The following PAFAH1B2 variants were observed in gnomAD, a reference collection of about 807,000 sequenced individuals.
PAFAH1B2 encodes the protein platelet-activating factor acetylhydrolase IB subunit alpha2.
A neutral mutation model predicts 28.0 loss-of-function variants in PAFAH1B2; 8 were observed. The ratio of observed to expected loss-of-function variants is 0.29; its 90% CI spans 0.17 to 0.52. The LOEUF (loss-of-function observed/expected upper bound fraction) is 0.52. Ranked by LOEUF, PAFAH1B2 falls within the 20% of genes least tolerant of loss-of-function variation. The pLI is 0.97. For missense variants in PAFAH1B2, 190 were observed against 282.6 expected, an observed-to-expected ratio of 0.67 and a Z score of 2.35; for synonymous variants, 104 against 103.2, an observed-to-expected ratio of 1.01 and a Z score of -0.05.
At chr11:117,174,890 C>G, downstream of PAFAH1B2, 1 of 1,520,784 alleles carries the variant, frequency 6.6e-7, no homozygotes, top group Non-Finnish European at 8.8e-7. Context: ...GCTGGGATTA[C>G]AGGCGTGAGT....
chr11:117,167,375 A>G, intron 5 of PAFAH1B2, 46 bp from the exon 6 acceptor site: 4 of 1,493,570 alleles, frequency 2.7e-6, no homozygotes, highest in Non-Finnish European at 3.6e-6. Flanking sequence ...ATAAGTAGAG[A>G]AAAATAAGTG....
intron 5 of PAFAH1B2, among the ~76,000 whole-genome samples, chr11:117,166,078 C>T (rs925239703): frequency 6.6e-6 from 1 of 152,140 alleles, no homozygotes; most frequent in Non-Finnish European, 1.5e-5. Flanking sequence ...TGACCTCGTT[C>T]GTGATCTGCC....
Position 117,168,446 on chromosome 11 carries a change from G to GGTTGGTGTTTTT in PAFAH1B2, c.*747_*748insGTTGGTGTTTTT. The GGTTGGTGTTTTT allele has an allele frequency of 4.3e-6, 1 of 234,818 alleles. No individual in the cohort carries two copies. Among genetic ancestry groups the GGTTGGTGTTTTT allele is most frequent in the East Asian group, 1.8e-4 (1 of 5,682 alleles). The allele number at this position is 234,818 out of a possible 1,614,324, so 14.5% of individuals were successfully genotyped here. ...TCCCCTTCATTCCCCCCGCCACCCC[G>GGTTGGTGTTTTT]TTTTTTTTTTTTTTTTTTTTTTTTT... On this transcript the variant is annotated 3_prime_UTR_variant, in exon 6 of 6. Coordinates refer to ENST00000527958, the MANE Select transcript of PAFAH1B2 (RefSeq NM_002572.4).
chr11:117,174,574 G>A (rs1444060585), downstream of PAFAH1B2, among the ~76,000 whole-genome samples: 4 of 151,618 alleles, frequency 2.6e-5, no homozygotes, highest in Non-Finnish European at 4.4e-5. Context: ...TGCCTCCCAG[G>A]TTCAAGCGAT....
chr11:117,163,838 G>A lies in PAFAH1B2; in HGVS notation c.357G>A (p.Glu119=), dbSNP rs1230346974. 7.4e-6 allele frequency: 12 copies of A among 1,614,038 alleles called. No homozygotes were observed. The highest frequency in any genetic ancestry group is 8.5e-6 in the Non-Finnish European group (10 of 1,179,968). The change falls in exon 5 of 6, where the codon GAG becomes GAA. Residue 119 remains glutamate, a synonymous_variant. Transcript: ENST00000527958. ...NTAEEVAGGI[E]AIVQLINTRQ... is the part of the protein sequence containing the mutation. ...CAGAAGAAGTAGCAGGTGGGATCGA[G>A]GCCATTGTACAACTTATCAACACAA...
rs952102432 is a variant in PAFAH1B2 at position 117,170,822 on chromosome 11, G to A, written c.*3123G>A. ...GGAGCATGTCCAAGCTCCTAAATCC[G>A]TGTGGGTGCATGTGGGAGAAGTGAG... On this transcript the variant is annotated 3_prime_UTR_variant, in exon 6 of 6. Coordinates refer to ENST00000527958, the MANE Select transcript of PAFAH1B2 (RefSeq NM_002572.4). The A allele has an allele frequency of 5.7e-6, 6 of 1,059,696 alleles. No homozygotes were observed. The highest frequency in any genetic ancestry group is 6.9e-6 in the Non-Finnish European group (6 of 875,752). The allele number at this position is 1,059,696 out of a possible 1,614,324, so 65.6% of individuals were successfully genotyped here. A position where few individuals can be genotyped will look rare whatever the true frequency, so the allele number is the denominator to read the frequency against.
At chr11:117,151,767 C>G (rs1441338915) in intron 1 of PAFAH1B2, among the ~76,000 whole-genome samples, 3 of 151,880 alleles carry the variant, frequency 2.0e-5, no homozygotes, top group Admixed American at 2.0e-4. Context: ...TTGGCACAGT[C>G]TCGGCTCACT....
In PAFAH1B2 at chr11:117,169,331, T is replaced by C. The variant is rs1956593022; in HGVS notation, c.*1632T>C. 7 of 1,048,534 alleles carry C rather than the reference T, an allele frequency of 6.7e-6. No individual in the cohort carries two copies. Among genetic ancestry groups the C allele is most frequent in the Middle Eastern group, 8.6e-4 (2 of 2,330 alleles). The allele number at this position is 1,048,534 out of a possible 1,614,324, so 65.0% of individuals were successfully genotyped here. ...ATGGGATAATAGATGATTTTATCAG[T>C]ATACCTGTGGAATATGTACAAACTG... On this transcript the variant is annotated 3_prime_UTR_variant, in exon 6 of 6. Coordinates refer to ENST00000527958, the MANE Select transcript of PAFAH1B2 (RefSeq NM_002572.4).
At chr11:117,163,696 T>C in intron 4 of PAFAH1B2, 74 bp from the exon 5 acceptor site, 1 of 1,425,486 alleles carries the variant, frequency 7.0e-7, no homozygotes, top group Non-Finnish European at 9.7e-7. Flanking sequence ...AAAAAGATTT[T>C]CATCTAAATG....
At chr11:117,164,958 CTT>C (rs368887694) in intron 5 of PAFAH1B2, among the ~76,000 whole-genome samples, 8 of 132,208 alleles carry the variant, frequency 6.1e-5, no homozygotes, top group Admixed American at 7.8e-5. Flanking sequence ...TTTCTTTTTT[CTT>C]TTTTTTTTTT....
At chr11:117,166,838 A>G (rs370003894) in intron 5 of PAFAH1B2, among the ~76,000 whole-genome samples, 7 of 152,200 alleles carry the variant, frequency 4.6e-5, no homozygotes, top group East Asian at 3.8e-4. Flanking sequence ...AGGGTAGACA[A>G]CGTTGGAGGT....
chr11:117,174,162 TTTTGTG>T (rs1171167810), downstream of PAFAH1B2, among the ~76,000 whole-genome samples: 1 of 84,830 alleles, frequency 1.2e-5, no homozygotes, highest in African/African-American at 3.8e-5. Context: ...TCTTCATGTC[TTTTGTG>T]TGTGTGTGTG....
At chr11:117,145,274 G>T (rs1466544948) in intron 1 of PAFAH1B2, among the ~76,000 whole-genome samples, 1 of 152,144 alleles carries the variant, frequency 6.6e-6, no homozygotes. Flanking sequence ...TCATGCTTCT[G>T]CTTTTCATAG....
At chr11:117,174,914 C>T (rs1440967068), downstream of PAFAH1B2, 5 of 1,526,780 alleles carry the variant, frequency 3.3e-6, no homozygotes, top group Non-Finnish European at 4.4e-6. Flanking sequence ...CGCACCAGGC[C>T]ATCTTCAGGT....
In PAFAH1B2 at chr11:117,167,790, T is replaced by C. The variant is rs1479606832; in HGVS notation, c.*91T>C. 8.9e-6 allele frequency: 12 copies of C among 1,352,310 alleles called. No individual in the cohort carries two copies. The East Asian group carries it at 1.6e-4, about 18-fold the overall frequency. 83.8% of individuals were successfully genotyped at this position (1,352,310 alleles called of 1,614,324 possible). ...AATCCTTCTCTTTCTTAAGGCACTT[T>C]GCATTGTAGAATGTTCCTGGATGTT... On this transcript the variant is annotated 3_prime_UTR_variant, in exon 6 of 6. Coordinates refer to ENST00000527958, the MANE Select transcript of PAFAH1B2 (RefSeq NM_002572.4).
At chr11:117,160,322 C>T (rs1286934035) in intron 3 of PAFAH1B2, among the ~76,000 whole-genome samples, 1 of 152,050 alleles carries the variant, frequency 6.6e-6, no homozygotes, top group Non-Finnish European at 1.5e-5. Context: ...TTATTTGTAT[C>T]TTAGTATTTC....
intron 1 of PAFAH1B2, among the ~76,000 whole-genome samples, chr11:117,146,511 A>G (rs1035260969): frequency 3.9e-5 from 6 of 152,194 alleles, no homozygotes; most frequent in South Asian, 2.1e-4. Flanking sequence ...CCTGAGCAAC[A>G]TGGCAAGACC....
rs1287424039 is a variant in PAFAH1B2 at position 117,167,651 on chromosome 11, G to T, written c.642G>T (p.Met214Ile). 6.3e-7 allele frequency: 1 copy of T among 1,580,764 alleles called. No individual in the cohort carries two copies. Among genetic ancestry groups the T allele is most frequent in the Non-Finnish European group, 8.6e-7 (1 of 1,156,710 alleles). The change falls in exon 6 of 6, where the codon ATG becomes ATT. Residue 214 changes from methionine (M) to isoleucine (I), a missense_variant. By Grantham distance (10) the Met-to-Ile change is conservative. Coordinates refer to ENST00000527958, the MANE Select transcript of PAFAH1B2 (RefSeq NM_002572.4). ...GCAAACCCCTGCATGAACTGATCAT[G>T]CAGTTGTTGGAGGAAACACCTGAGG... ...KICKPLHELI[M>I]QLLEETPEEK...
intron 5 of PAFAH1B2, among the ~76,000 whole-genome samples, chr11:117,165,282 G>A (rs1591751117): frequency 6.7e-6 from 1 of 150,372 alleles, no homozygotes; most frequent in Non-Finnish European, 1.5e-5. Flanking sequence ...CCTGGGAGGT[G>A]GAGGTTGCAG....
Sources: allele counts gnomAD v4.1 joint callset (sites outside exome capture counted in the v4.1 genomes callset), GRCh38; gene constraint gnomAD v4.1.1; transcripts MANE v1.5; gene names NCBI Gene and HGNC (gene_info 2026-07-23, HGNC 2026-07-21).